Variants in FHIT observed in about 807,000 individuals in gnomAD.
The protein encoded by FHIT is fragile histidine triad diadenosine triphosphatase, also known as bis(5'-adenosyl)-triphosphatase.
A neutral mutation model predicts 17.9 loss-of-function variants in FHIT; 19 were observed. The observed-to-expected ratio is 1.06, with a 90% confidence interval of 0.74 to 1.56. The LOEUF (loss-of-function observed/expected upper bound fraction) is 1.56. Among genes scored for constraint, FHIT ranks in the 40% most tolerant of loss-of-function variants. FHIT has a pLI of 0.00. For synonymous variants in FHIT, 81 were observed against 69.7 expected, an observed-to-expected ratio of 1.16 and a Z score of -0.81; for missense variants, 248 against 189.2, an observed-to-expected ratio of 1.31 and a Z score of -1.82.
intron 5 of FHIT, among the ~76,000 whole-genome samples, chr3:60,296,640 A>C (rs1051419897): frequency 2.0e-5 from 3 of 151,998 alleles, no homozygotes; most frequent in Non-Finnish European, 4.4e-5. Context: ...TTTCAGAGAG[A>C]AATTTTTTAA....
chr3:61,100,124 A>C (rs2106845675), intron 2 of FHIT, among the ~76,000 whole-genome samples: 1 of 152,246 alleles, frequency 6.6e-6, no homozygotes, highest in South Asian at 2.1e-4. Context: ...GGTTTGATAC[A>C]TAGGTATACA....
At chr3:60,504,274 A>G (rs2034638574) in intron 5 of FHIT, among the ~76,000 whole-genome samples, 2 of 152,118 alleles carry the variant, frequency 1.3e-5, no homozygotes, top group East Asian at 1.9e-4. Flanking sequence ...TCTCTACTAA[A>G]AATACAAAAA....
intron 5 of FHIT, among the ~76,000 whole-genome samples, chr3:60,371,246 G>A (rs1700314837): frequency 6.6e-6 from 1 of 152,132 alleles, no homozygotes; most frequent in East Asian, 1.9e-4. Context: ...CCTGTGTCTA[G>A]CACAATGCTT....
chr3:60,862,677 C>T (rs1219897172), intron 3 of FHIT, among the ~76,000 whole-genome samples: 1 of 151,802 alleles, frequency 6.6e-6, no homozygotes, highest in African/African-American at 2.4e-5. Context: ...TGGTGAAACC[C>T]CCTGTCTCTA....
At chr3:59,945,513 C>G (rs1328732864) in intron 7 of FHIT, among the ~76,000 whole-genome samples, 1 of 148,836 alleles carries the variant, frequency 6.7e-6, no homozygotes, top group African/African-American at 2.5e-5. Flanking sequence ...TGCATAAGCT[C>G]TTTAGCTTAA....
At chr3:60,318,130 C>T (rs1709252359) in intron 5 of FHIT, among the ~76,000 whole-genome samples, 2 of 152,046 alleles carry the variant, frequency 1.3e-5, no homozygotes, top group African/African-American at 4.8e-5. Context: ...AAACAAAAAA[C>T]CCTGAACACA....
chr3:59,785,739 T>C (rs1702821541), intron 8 of FHIT, among the ~76,000 whole-genome samples: 1 of 152,218 alleles, frequency 6.6e-6, no homozygotes, highest in African/African-American at 2.4e-5. Context: ...GCTTGGTATT[T>C]GGGAAACAAG....
At position 60,748,241 on chromosome 3, in the gene FHIT, T is replaced by C. The variant is rs9856644; in HGVS notation, c.-18+73678A>G. ...ATTCTGTTGGGGACAAAAAAACTTT[T>C]CCTTTATCTTCTTATGTTAGGTATT... On this transcript the variant is annotated intron_variant, in intron 4 of 9. Coordinates refer to ENST00000492590, the MANE Select transcript of FHIT (RefSeq NM_002012.4). Among the ~76,000 whole-genome samples, 719 of 152,314 alleles carry C rather than the reference T, an allele frequency of 4.7e-3. 4 individuals are homozygous for C. The highest frequency in any genetic ancestry group is 0.016 in the African/African-American group (672 of 41,560).
At chr3:60,441,765 T>TATACACACAC (rs2030859252) in intron 5 of FHIT, among the ~76,000 whole-genome samples, 2 of 20,530 alleles carry the variant, frequency 9.7e-5, no homozygotes, top group East Asian at 2.0e-3. Context: ...AAAATATATA[T>TATACACACAC]ATATTTATAT....
At chr3:60,709,784 G>A (rs1406704476) in intron 4 of FHIT, among the ~76,000 whole-genome samples, 2 of 152,104 alleles carry the variant, frequency 1.3e-5, no homozygotes, top group East Asian at 1.9e-4. Flanking sequence ...TTGAATTTTT[G>A]CTTAGAAGCT....
Position 60,472,351 on chromosome 3 carries a change from A to G in FHIT, c.103+64509T>C, listed in dbSNP as rs1304752303. Among the ~76,000 whole-genome samples the G allele has an allele frequency of 2.0e-5, 3 of 151,244 alleles. No individual in the cohort carries two copies. The Admixed American group carries it at 2.0e-4, about 10-fold the overall frequency. On this transcript the variant is annotated intron_variant, in intron 5 of 9. Transcript: ENST00000492590. ...CTACATGCCCACCTTCATTTTGCAA[A>G]GTATTGTACAATGCTGTATTTTTTT...
At chr3:61,133,062 C>T (rs370755877) in intron 2 of FHIT, among the ~76,000 whole-genome samples, 3 of 152,152 alleles carry the variant, frequency 2.0e-5, no homozygotes, top group Admixed American at 6.5e-5. Context: ...GAGTTCCTGT[C>T]TCCTAATTCA....
At chr3:59,758,891 A>G (rs1701357399) in intron 8 of FHIT, among the ~76,000 whole-genome samples, 1 of 152,024 alleles carries the variant, frequency 6.6e-6, no homozygotes, top group Non-Finnish European at 1.5e-5. Flanking sequence ...ATTGGCCTTT[A>G]ATGCTTGTGG....
chr3:60,446,857 A>AAATAATAATAATAAT (rs144268974), intron 5 of FHIT, among the ~76,000 whole-genome samples: 1 of 139,038 alleles, frequency 7.2e-6, no homozygotes, highest in African/African-American at 2.6e-5. Context: ...TATCTCATTA[A>AAATAATAATAATAAT]AATAATAATA....
intron 5 of FHIT, among the ~76,000 whole-genome samples, chr3:60,480,229 C>G (rs1174681983): frequency 6.6e-6 from 1 of 152,156 alleles, no homozygotes; most frequent in African/African-American, 2.4e-5. Flanking sequence ...AACTCCCTCA[C>G]TATCATGAGA....
chr3:60,015,275 C>G (rs973457852), intron 5 of FHIT, among the ~76,000 whole-genome samples: 2 of 152,036 alleles, frequency 1.3e-5, no homozygotes, highest in African/African-American at 2.4e-5. Flanking sequence ...CTGGTCAGGC[C>G]TGATTTCCAT....
At chr3:61,121,262 C>T (rs980823111) in intron 2 of FHIT, among the ~76,000 whole-genome samples, 11 of 152,076 alleles carry the variant, frequency 7.2e-5, no homozygotes, top group African/African-American at 2.2e-4. Flanking sequence ...ATATATTCCT[C>T]GAGAAGAGCA....
intron 5 of FHIT, among the ~76,000 whole-genome samples, chr3:60,375,913 C>T (rs954911004): frequency 4.6e-5 from 7 of 152,150 alleles, no homozygotes; most frequent in Non-Finnish European, 4.4e-5. Flanking sequence ...CATGTGACCA[C>T]TGAGCACCTG....
intron 5 of FHIT, among the ~76,000 whole-genome samples, chr3:60,422,722 T>C (rs961745429): frequency 6.6e-6 from 1 of 152,128 alleles, no homozygotes; most frequent in African/African-American, 2.4e-5. Context: ...TCTTCTCCCC[T>C]AATCTCTTCC....
Sources: gnomAD v4.1 joint callset for allele counts (sites outside exome capture counted in the v4.1 genomes callset) on GRCh38, gnomAD v4.1.1 for gene constraint, MANE v1.5 for transcripts, NCBI Gene and HGNC (gene_info 2026-07-23, HGNC 2026-07-21) for gene names.